SOX5: variants seen among roughly 807,000 people sequenced by gnomAD.
The protein encoded by SOX5 is SRY-box transcription factor 5.
SOX5 carries 9 observed loss-of-function variants against 92.0 expected under a neutral mutation model. That is an observed-to-expected ratio of 0.10 (90% confidence interval 0.06 to 0.17). The LOEUF is 0.17. Among genes scored for constraint, SOX5 ranks in the 10% least tolerant of loss-of-function variants. SOX5 has a pLI of 1.00. For synonymous variants in SOX5, 344 were observed against 336.3 expected, an observed-to-expected ratio of 1.02 and a Z score of -0.25; for missense variants, 642 against 944.5, an observed-to-expected ratio of 0.68 and a Z score of 4.20.
At chr12:24,252,725 G>A (rs79128595) in intron 3 of SOX5, among the ~76,000 whole-genome samples, 3 of 150,446 alleles carry the variant, frequency 2.0e-5, no homozygotes, top group East Asian at 2.0e-4. Context: ...ACCATAACCC[G>A]AGGCCCCAGC....
chr12:24,124,570 AAAAAAG>A (rs1486501720), intron 4 of SOX5, among the ~76,000 whole-genome samples: 1 of 136,620 alleles, frequency 7.3e-6, no homozygotes, highest in African/African-American at 2.5e-5. Flanking sequence ...GACAAAAAAA[AAAAAAG>A]AAAAAAAGAA....
intron 1 of SOX5, among the ~76,000 whole-genome samples, chr12:23,926,732 T>A (rs1159286676): frequency 1.3e-5 from 2 of 152,088 alleles, no homozygotes; most frequent in Non-Finnish European, 2.9e-5. Flanking sequence ...TATTTAATAG[T>A]GTCAAACAAA....
intron 2 of SOX5, among the ~76,000 whole-genome samples, chr12:24,342,388 C>T (rs1952680064): frequency 6.6e-6 from 1 of 152,150 alleles, no homozygotes; most frequent in Non-Finnish European, 1.5e-5. Context: ...CTTCATTATC[C>T]TATTAGATCT....
intron 4 of SOX5, among the ~76,000 whole-genome samples, chr12:23,977,770 A>T (rs527412359): frequency 7.2e-6 from 1 of 139,690 alleles, no homozygotes; most frequent in South Asian, 2.3e-4. Context: ...AGAAAAGAAA[A>T]AAATAAATAA....
chr12:23,964,948 A>T (rs187541669), intron 4 of SOX5, among the ~76,000 whole-genome samples: 1 of 152,304 alleles, frequency 6.6e-6, no homozygotes, highest in East Asian at 1.9e-4. Context: ...AGAACCAGCC[A>T]GTAGGGGAGC....
intron 4 of SOX5, among the ~76,000 whole-genome samples, chr12:23,979,696 A>ACGT (rs1949301745): frequency 7.3e-5 from 2 of 27,430 alleles, no homozygotes; most frequent in Non-Finnish European, 1.5e-4. Flanking sequence ...ATATATATAT[A>ACGT]TGTTTTTTTT....
chr12:23,704,886 T>G (rs2091192364), intron 6 of SOX5, among the ~76,000 whole-genome samples: 3 of 151,492 alleles, frequency 2.0e-5, no homozygotes, highest in Non-Finnish European at 4.4e-5. Flanking sequence ...GTTAAATTTT[T>G]TTTTGTATTT....
At chr12:23,617,128 G>GAAAAAA (rs34672362) in intron 8 of SOX5, among the ~76,000 whole-genome samples, 2 of 106,166 alleles carry the variant, frequency 1.9e-5, no homozygotes, top group Non-Finnish European at 1.9e-5. Context: ...TCTGTCTCAA[G>GAAAAAA]AAAAAAAAAA....
intron 1 of SOX5, among the ~76,000 whole-genome samples, chr12:24,458,491 T>C (rs1222149954): frequency 6.6e-6 from 1 of 152,144 alleles, no homozygotes; most frequent in African/African-American, 2.4e-5. Flanking sequence ...GGAGAGCTTC[T>C]TTAAAATCCT....
At chr12:23,709,545 AG>A (rs1408310893) in intron 6 of SOX5, among the ~76,000 whole-genome samples, 1 of 152,234 alleles carries the variant, frequency 6.6e-6, no homozygotes, top group Non-Finnish European at 1.5e-5. Context: ...GTACCCTCAG[AG>A]AAACCAAAAT....
intron 1 of SOX5, among the ~76,000 whole-genome samples, chr12:24,405,293 TG>T (rs201631973): frequency 1.3e-5 from 2 of 152,088 alleles, no homozygotes; most frequent in African/African-American, 4.8e-5. Context: ...TATTTTATCA[TG>T]GGGGGGTATA....
At chr12:24,156,156 C>T (rs898607764) in intron 4 of SOX5, among the ~76,000 whole-genome samples, 3 of 152,070 alleles carry the variant, frequency 2.0e-5, no homozygotes, top group Non-Finnish European at 4.4e-5. Context: ...TGTTTCATCC[C>T]GTTACCTGTA....
chr12:24,212,526 G>A (rs1029706079), intron 4 of SOX5: 3 of 524,338 alleles, frequency 5.7e-6, no homozygotes, highest in East Asian at 5.6e-5. Context: ...AGGATTACAA[G>A]GAAGGAGGGG....
intron 4 of SOX5, among the ~76,000 whole-genome samples, chr12:23,751,360 G>A (rs1045234441): frequency 1.3e-5 from 2 of 151,866 alleles, no homozygotes; most frequent in Non-Finnish European, 2.9e-5. Context: ...AAAAGAACAT[G>A]TTTGAAACAA....
chr12:23,731,770 T>G (rs2140860282), intron 6 of SOX5, among the ~76,000 whole-genome samples: 1 of 152,336 alleles, frequency 6.6e-6, no homozygotes, highest in South Asian at 2.1e-4. Flanking sequence ...GTCTTTTGTA[T>G]TCATATATGA....
chr12:23,584,129 CACA>C (rs1237780281), intron 9 of SOX5, among the ~76,000 whole-genome samples: 6 of 152,052 alleles, frequency 3.9e-5, no homozygotes, highest in Non-Finnish European at 8.8e-5. Context: ...AAAAGGAAAG[CACA>C]ACAACACATC....
At chr12:24,158,659 C>A (rs948056432) in intron 4 of SOX5, among the ~76,000 whole-genome samples, 6 of 151,988 alleles carry the variant, frequency 3.9e-5, no homozygotes, top group Middle Eastern at 3.4e-3. Flanking sequence ...TGTTCAAATT[C>A]TTTTTGGAAT....
intron 2 of SOX5, among the ~76,000 whole-genome samples, chr12:24,287,801 C>A (rs935426255): frequency 4.6e-5 from 7 of 151,820 alleles, no homozygotes; most frequent in Non-Finnish European, 7.4e-5. Context: ...CAGGGCTGAT[C>A]CCTCTCTTAC....
At chr12:24,097,448 G>C (rs1945562214) in intron 4 of SOX5, among the ~76,000 whole-genome samples, 1 of 151,200 alleles carries the variant, frequency 6.6e-6, no homozygotes, top group African/African-American at 2.4e-5. Flanking sequence ...CACAATTCAA[G>C]GTCATGAACA....
Sources: allele counts gnomAD v4.1 joint callset (sites outside exome capture counted in the v4.1 genomes callset), GRCh38; gene constraint gnomAD v4.1.1; transcripts MANE v1.5; gene names NCBI Gene and HGNC (gene_info 2026-07-23, HGNC 2026-07-21).